The following RBFOX1 variants were observed in gnomAD, a reference collection of about 807,000 sequenced individuals.
RBFOX1 encodes the protein RNA binding fox-1 homolog 1.
Under a neutral mutation model 57.7 loss-of-function variants are expected in RBFOX1, and 8 were observed. That is an observed-to-expected ratio of 0.14 (90% CI 0.08 to 0.25). The LOEUF (loss-of-function observed/expected upper bound fraction) is 0.25, where lower values mean the gene tolerates loss of function less well. Among genes scored for constraint, RBFOX1 ranks in the 10% least tolerant of loss-of-function variants. RBFOX1 has a pLI of 1.00. For synonymous variants in RBFOX1, 326 were observed against 222.4 expected (o/e 1.47, Z -4.15); for missense variants, 611 against 548.5 (o/e 1.11, Z -1.14).
chr16:6,844,552 A>T (rs1368505289), intron 3 of RBFOX1, among the ~76,000 whole-genome samples: 1 of 151,944 alleles, frequency 6.6e-6, no homozygotes, highest in Non-Finnish European at 1.5e-5. Flanking sequence ...CATGGTGTAT[A>T]TGTACGACTT....
At position 6,215,689 on chromosome 16, in the gene RBFOX1, T is replaced by C. The variant is rs149992413; in HGVS notation, c.-126-101306T>C. ...GCACATTTTGTCTCTCCCTCCCTTA[T>C]GGATTGTTTATCCTGGGTGATGATC... On this transcript the variant is annotated intron_variant, in intron 1 of 15. Coordinates refer to ENST00000550418, the MANE Select transcript of RBFOX1 (RefSeq NM_018723.4). 4.2e-3 allele frequency among the ~76,000 whole-genome samples: 634 copies of C among 152,250 alleles called. 4 individuals are homozygous for C. The highest frequency in any genetic ancestry group is 0.014 in the African/African-American group (597 of 41,540).
intron 2 of RBFOX1, among the ~76,000 whole-genome samples, chr16:5,470,822 G>A (rs952814526): frequency 2.6e-5 from 4 of 152,030 alleles, no homozygotes; most frequent in African/African-American, 7.3e-5. Context: ...GAAAGCATCA[G>A]CATTTTTCAT....
At chr16:7,379,788 G>A (rs1273561141) in intron 4 of RBFOX1, among the ~76,000 whole-genome samples, 1 of 149,414 alleles carries the variant, frequency 6.7e-6, no homozygotes, top group Non-Finnish European at 1.5e-5. Context: ...CGTCCTGCCT[G>A]CCTGCCTCCC....
At chr16:5,532,743 C>G (rs2044537879) in intron 2 of RBFOX1, among the ~76,000 whole-genome samples, 1 of 152,192 alleles carries the variant, frequency 6.6e-6, no homozygotes, top group Non-Finnish European at 1.5e-5. Flanking sequence ...TGGCTTCACC[C>G]AGGAATCTTC....
intron 3 of RBFOX1, among the ~76,000 whole-genome samples, chr16:5,650,611 G>T (rs2049203721): frequency 6.6e-6 from 1 of 152,208 alleles, no homozygotes. Context: ...AACTGCCTTA[G>T]TTCTGCCAGC....
At chr16:7,462,577 C>T (rs1471413911) in intron 4 of RBFOX1, among the ~76,000 whole-genome samples, 1 of 152,248 alleles carries the variant, frequency 6.6e-6, no homozygotes, top group East Asian at 1.9e-4. Flanking sequence ...CATGACTCAA[C>T]TGGGTCCTCT....
intron 1 of RBFOX1, among the ~76,000 whole-genome samples, chr16:6,271,422 A>G (rs1567820980): frequency 2.0e-5 from 3 of 151,964 alleles, no homozygotes; most frequent in South Asian, 4.2e-4. Flanking sequence ...GACCCTGTCT[A>G]AAAAACAAAC....
chr16:5,624,618 A>G (rs1271739324), intron 3 of RBFOX1, among the ~76,000 whole-genome samples: 1 of 152,244 alleles, frequency 6.6e-6, no homozygotes, highest in Non-Finnish European at 1.5e-5. Context: ...GCACAAGGAC[A>G]GTGTCTGTGA....
At chr16:7,495,273 T>A (rs2068250939) in intron 4 of RBFOX1, among the ~76,000 whole-genome samples, 1 of 152,246 alleles carries the variant, frequency 6.6e-6, no homozygotes, top group Non-Finnish European at 1.5e-5. Context: ...TTACAGTGAT[T>A]AACATACTTG....
intron 3 of RBFOX1, among the ~76,000 whole-genome samples, chr16:6,981,262 C>T (rs533245609): frequency 1.3e-5 from 2 of 151,902 alleles, no homozygotes; most frequent in Non-Finnish European, 2.9e-5. Flanking sequence ...TGATTCTCCC[C>T]TCCTCCCACC....
chr16:6,927,771 G>A (rs1431894946), intron 3 of RBFOX1, among the ~76,000 whole-genome samples: 1 of 152,086 alleles, frequency 6.6e-6, no homozygotes. Flanking sequence ...TCCAATCATT[G>A]TTTTTGTTCT....
At chr16:7,391,080 C>T (rs1377811902) in intron 4 of RBFOX1, among the ~76,000 whole-genome samples, 1 of 152,112 alleles carries the variant, frequency 6.6e-6, no homozygotes, top group East Asian at 1.9e-4. Flanking sequence ...TCCTTAAGAA[C>T]ATAGCTCTTA....
chr16:6,339,709 C>A (rs1390625834), intron 2 of RBFOX1, among the ~76,000 whole-genome samples: 2 of 151,644 alleles, frequency 1.3e-5, no homozygotes, highest in Non-Finnish European at 2.9e-5. Context: ...CTCGCTCTGT[C>A]ACCCAGGCTG....
At chr16:7,342,301 C>G (rs2096912974) in intron 4 of RBFOX1, among the ~76,000 whole-genome samples, 1 of 152,128 alleles carries the variant, frequency 6.6e-6, no homozygotes, top group Non-Finnish European at 1.5e-5. Context: ...GACAGGATGC[C>G]TAGGGCTGGG....
At chr16:6,083,148 T>C (rs1681032646) in intron 1 of RBFOX1, among the ~76,000 whole-genome samples, 1 of 152,086 alleles carries the variant, frequency 6.6e-6, no homozygotes, top group African/African-American at 2.4e-5. Context: ...ACCAGAGGCA[T>C]GCACTACCTT....
intron 3 of RBFOX1, among the ~76,000 whole-genome samples, chr16:6,772,805 G>C (rs2078553767): frequency 7.3e-6 from 1 of 136,712 alleles, no homozygotes; most frequent in Admixed American, 7.5e-5. Flanking sequence ...CGTATGTGTG[G>C]GCCTGGGGTG....
At chr16:6,494,757 A>T (rs1315460795) in intron 2 of RBFOX1, among the ~76,000 whole-genome samples, 1 of 152,338 alleles carries the variant, frequency 6.6e-6, no homozygotes, top group East Asian at 1.9e-4. Context: ...TGTTGCACCC[A>T]TTGGAAGTCA....
At chr16:7,485,987 C>G (rs145075586) in intron 4 of RBFOX1, among the ~76,000 whole-genome samples, 1 of 152,074 alleles carries the variant, frequency 6.6e-6, no homozygotes, top group Non-Finnish European at 1.5e-5. Context: ...AAATGTATGC[C>G]CCATAGAGCT....
intron 2 of RBFOX1, among the ~76,000 whole-genome samples, chr16:5,582,314 G>C (rs745452923): frequency 6.6e-6 from 1 of 152,122 alleles, no homozygotes; most frequent in East Asian, 1.9e-4. Flanking sequence ...GCAGTGACAC[G>C]GCTTAGCGAA....
Sources: gnomAD v4.1 joint callset for allele counts (sites outside exome capture counted in the v4.1 genomes callset) on GRCh38, gnomAD v4.1.1 for gene constraint, MANE v1.5 for transcripts, NCBI Gene and HGNC (gene_info 2026-07-23, HGNC 2026-07-21) for gene names.